Variants in NFIL3 observed in about 807,000 individuals in gnomAD.
The protein encoded by NFIL3 is nuclear factor interleukin-3-regulated protein.
Under a neutral mutation model 10.0 loss-of-function variants are expected in NFIL3, and 5 were observed. That is an observed-to-expected ratio of 0.50 (90% CI 0.26 to 1.06). NFIL3 has a LOEUF of 1.06. NFIL3 is among the 50% of genes least tolerant of loss of function. The pLI is 0.13. For synonymous variants in NFIL3, 202 were observed against 206.5 expected, an observed-to-expected ratio of 0.98 and a Z score of 0.19; for missense variants, 436 against 547.6, an observed-to-expected ratio of 0.80 and a Z score of 2.03.
chr9:91,444,597 C>T, the NFIL3 span, among the ~76,000 whole-genome samples: 1 of 152,136 alleles, frequency 6.6e-6, no homozygotes, highest in Non-Finnish European at 1.5e-5. Context: ...GAAAGATTTT[C>T]ACCCACAGAT....
chr9:91,429,892 C>T, the NFIL3 span, among the ~76,000 whole-genome samples: 1 of 152,014 alleles, frequency 6.6e-6, no homozygotes, highest in South Asian at 2.1e-4. Flanking sequence ...AGCTTGCCCA[C>T]AGCCACTCAG....
chr9:91,412,123 ACC>A (rs369894894), intron 1 of NFIL3, among the ~76,000 whole-genome samples: 1 of 105,936 alleles, frequency 9.4e-6, no homozygotes, highest in Non-Finnish European at 1.9e-5. Context: ...AAAAAAAAAA[ACC>A]CCACACAAAA....
chr9:91,433,359 A>G, the NFIL3 span, among the ~76,000 whole-genome samples: 1 of 152,154 alleles, frequency 6.6e-6, no homozygotes, highest in East Asian at 1.9e-4. Flanking sequence ...TGCCCTCTGA[A>G]GGTTATGGTG....
At chr9:91,461,919 G>A in the NFIL3 span, among the ~76,000 whole-genome samples, 1 of 152,034 alleles carries the variant, frequency 6.6e-6, no homozygotes, top group African/African-American at 2.4e-5. Context: ...CAAGACTATA[G>A]TCTTGCCAAT....
intron 1 of NFIL3, among the ~76,000 whole-genome samples, chr9:91,422,358 A>C (rs1406010042): frequency 1.3e-5 from 2 of 152,218 alleles, no homozygotes; most frequent in Non-Finnish European, 2.9e-5. Flanking sequence ...GATAGGGCTA[A>C]ATTTAGAAGA....
chr9:91,432,285 G>A, the NFIL3 span, among the ~76,000 whole-genome samples: 1 of 152,158 alleles, frequency 6.6e-6, no homozygotes, highest in Non-Finnish European at 1.5e-5. Flanking sequence ...GCTGTCTTGG[G>A]GCACTGTAGT....
At chr9:91,435,461 G>T in the NFIL3 span, among the ~76,000 whole-genome samples, 2 of 152,100 alleles carry the variant, frequency 1.3e-5, no homozygotes, top group South Asian at 4.2e-4. Context: ...AAATTCTATG[G>T]TACATAAAAG....
the NFIL3 span, among the ~76,000 whole-genome samples, chr9:91,482,690 C>T: frequency 3.9e-5 from 6 of 151,982 alleles, no homozygotes; most frequent in African/African-American, 1.2e-4. Context: ...TTAGTGCAGA[C>T]GAGATTTTGC....
chr9:91,447,486 C>T, the NFIL3 span, among the ~76,000 whole-genome samples: 1 of 152,202 alleles, frequency 6.6e-6, no homozygotes, highest in Non-Finnish European at 1.5e-5. Flanking sequence ...CATATCCTTG[C>T]TAACATATGT....
At chr9:91,460,957 T>C in the NFIL3 span, among the ~76,000 whole-genome samples, 1 of 152,238 alleles carries the variant, frequency 6.6e-6, no homozygotes, top group African/African-American at 2.4e-5. Context: ...AATGCTACAT[T>C]GCCATCTAGT....
At chr9:91,474,101 T>C in the NFIL3 span, among the ~76,000 whole-genome samples, 2 of 149,536 alleles carry the variant, frequency 1.3e-5, no homozygotes. Context: ...TTTTTTTTAA[T>C]CAAGTTGACA....
the NFIL3 span, among the ~76,000 whole-genome samples, chr9:91,460,037 C>T: frequency 6.6e-6 from 1 of 151,768 alleles, no homozygotes; most frequent in East Asian, 1.9e-4. Flanking sequence ...GTTCATAAAA[C>T]ATGTTAGAAA....
At chr9:91,481,717 T>C in the NFIL3 span, among the ~76,000 whole-genome samples, 1 of 152,074 alleles carries the variant, frequency 6.6e-6, no homozygotes, top group Non-Finnish European at 1.5e-5. Flanking sequence ...TGGCAAAAAC[T>C]ATCATAAAAA....
the NFIL3 span, among the ~76,000 whole-genome samples, chr9:91,476,526 T>G: frequency 1.6e-4 from 25 of 151,802 alleles, no homozygotes; most frequent in African/African-American, 6.1e-4. Context: ...TGAGCCAAGA[T>G]TGCGCCACTG....
chr9:91,432,996 T>C, the NFIL3 span, among the ~76,000 whole-genome samples: 6 of 152,314 alleles, frequency 3.9e-5, no homozygotes, highest in East Asian at 1.2e-3. Flanking sequence ...CCTTCCTATT[T>C]AAGTAGGAAA....
chr9:91,475,560 A>C, the NFIL3 span, among the ~76,000 whole-genome samples: 1 of 152,230 alleles, frequency 6.6e-6, no homozygotes, highest in Non-Finnish European at 1.5e-5. Flanking sequence ...AACACAAAGA[A>C]AGACTACAAA....
the NFIL3 span, among the ~76,000 whole-genome samples, chr9:91,437,226 T>C: frequency 6.6e-6 from 1 of 152,234 alleles, no homozygotes. Context: ...CTAAATCTCT[T>C]TTTTAAAACA....
chr9:91,448,648 G>GT, the NFIL3 span, among the ~76,000 whole-genome samples: 1 of 152,160 alleles, frequency 6.6e-6, no homozygotes, highest in Non-Finnish European at 1.5e-5. Flanking sequence ...AGGCTTGGTA[G>GT]TAAGTTTTAA....
Position 91,423,776 on chromosome 9 carries a change from A to AGGCG in NFIL3, c.-313_-310dup, listed in dbSNP as rs1460998044. 2 of 142,554 alleles carry AGGCG rather than the reference A, an allele frequency of 1.4e-5. No homozygotes were observed. The highest frequency in any genetic ancestry group is 2.5e-5 in the African/African-American group (1 of 39,738). The allele number at this position is 142,554 out of a possible 1,614,324, so 8.8% of individuals were successfully genotyped here. Reference sequence around the variant, plus strand: ...GGCGGCGGCGAGGGCGCGGCGCGGGAGGCGGGCGGGCGCGCCGGGTCCGCG... The same window carrying AGGCG: ...GGCGGCGGCGAGGGCGCGGCGCGGGAGGCGGGCGGGCGGGCGCGCCGGGTCCGCG... On this transcript the variant is annotated 5_prime_UTR_variant, in exon 1 of 2. Transcript: ENST00000297689.
Sources: gnomAD v4.1 joint callset for allele counts (sites outside exome capture counted in the v4.1 genomes callset) on GRCh38, gnomAD v4.1.1 for gene constraint, MANE v1.5 for transcripts, NCBI Gene and HGNC (gene_info 2026-07-23, HGNC 2026-07-21) for gene names.